Variants in SYT3 observed in about 807,000 individuals in gnomAD.
SYT3 encodes the protein synaptotagmin-3.
A neutral mutation model predicts 50.6 loss-of-function variants in SYT3; 25 were observed. The observed-to-expected ratio is 0.49, with a 90% CI of 0.36 to 0.69. The LOEUF (loss-of-function observed/expected upper bound fraction) is 0.69, where lower values mean the gene tolerates loss of function less well. Among genes scored for constraint, SYT3 ranks in the 30% least tolerant of loss-of-function variants. The pLI, the probability that SYT3 is intolerant of heterozygous loss-of-function variation, is 0.00. For synonymous variants in SYT3, 323 were observed against 353.9 expected, an observed-to-expected ratio of 0.91 and a Z score of 0.98; for missense variants, 589 against 793.6, an observed-to-expected ratio of 0.74 and a Z score of 3.10.
At chr19:50,651,849 G>T in the SYT3 span, among the ~76,000 whole-genome samples, 2 of 151,920 alleles carry the variant, frequency 1.3e-5, no homozygotes, top group Non-Finnish European at 2.9e-5. Flanking sequence ...AATCACTGTT[G>T]TAACTAGAAA....
rs1372902490 is a variant in SYT3 at position 50,639,220 on chromosome 19, C to G, written c.-153-58G>C. 1.3e-5 allele frequency: 2 copies of G among 152,244 alleles called. No homozygotes were observed. The highest frequency in any genetic ancestry group is 4.8e-5 in the African/African-American group (2 of 41,438). 9.4% of individuals were successfully genotyped at this position (152,244 alleles called of 1,614,324 possible). ...TCACATCTTGCCCTACTCGAGCCAG[C>G]TGCCCGACCCCAGGCGACCCACTGG... On this transcript the variant is annotated intron_variant, in intron 1 of 10. Transcript: ENST00000600079. This position sits in a 1 kb window ranked among gnomAD's most constrained non-coding sequence, Gnocchi z 4.6.
chr19:50,656,362 C>A, the SYT3 span: 6 of 1,527,784 alleles, frequency 3.9e-6, no homozygotes, highest in African/African-American at 6.8e-5. Context: ...TGGACCTGTG[C>A]CCTTATTTTC....
At position 50,630,078 on chromosome 19, in the gene SYT3, G is replaced by C. The variant is rs144661464; in HGVS notation, c.768C>G (p.Pro256=). ...SEERPPALPL[P]LPGGEEKAKL... is the part of the protein sequence containing the mutation. ...TGGCTTTTTCCTCGCCTCCAGGCAG[G>C]GGTAAGGGCAGGGCAGGTGGCCGCT... Residue 256 remains proline, a synonymous_variant, in exon 5 of 11, where the codon CCC becomes CCG. Transcript: ENST00000600079. The C allele has an allele frequency of 2.6e-4, 422 of 1,613,782 alleles. 2 individuals are homozygous for C. The African/African-American group carries it at 3.5e-3, about 13-fold the overall frequency.
At chr19:50,644,021 G>A (rs1438986775), upstream of SYT3, among the ~76,000 whole-genome samples, 1 of 152,166 alleles carries the variant, frequency 6.6e-6, no homozygotes, top group Admixed American at 6.5e-5. Context: ...TAAGACCTGG[G>A]GGCAGGAGGG....
chr19:50,635,133 C>A (rs1427632942), intron 3 of SYT3, among the ~76,000 whole-genome samples: 1 of 151,956 alleles, frequency 6.6e-6, no homozygotes, highest in Non-Finnish European at 1.5e-5. Context: ...TGGTCTTGAT[C>A]TCCTGACCTT....
the SYT3 span, chr19:50,649,599 GAGTCACTGGCAC>G: frequency 7.3e-7 from 1 of 1,375,318 alleles, no homozygotes; most frequent in Non-Finnish European, 1.0e-6. Flanking sequence ...GGCCTTAAGC[GAGTCACTGGCAC>G]TCCAAAGTGA....
rs769020826 is a variant in SYT3 at position 50,625,052 on chromosome 19, T to C, written c.1707+110A>G. ...AGTTGGCACAGCAGGGATTGAAACC[T>C]AGGACGCCTGGCTCTGCGACTCACG... is the stretch of plus-strand genomic sequence containing the variant. On this transcript the variant is annotated intron_variant, in intron 9 of 10. Coordinates refer to ENST00000600079, the MANE Select transcript of SYT3 (RefSeq NM_001160329.2). The surrounding 1 kb of genome is among the most constrained non-coding windows in gnomAD (Gnocchi z 7.5). The C allele has an allele frequency of 2.4e-6, 3 of 1,226,604 alleles. No individual in the cohort carries two copies. The highest frequency in any genetic ancestry group is 3.2e-6 in the Non-Finnish European group (3 of 944,326). 76.0% of individuals were successfully genotyped at this position (1,226,604 alleles called of 1,614,324 possible).
At chr19:50,633,389 C>A (rs1003609493) in intron 3 of SYT3, among the ~76,000 whole-genome samples, 1 of 152,198 alleles carries the variant, frequency 6.6e-6, no homozygotes, top group Non-Finnish European at 1.5e-5. Flanking sequence ...AGATTTGAAT[C>A]CAGCAGTCTC....
chr19:50,642,873 C>A (rs1490904303), upstream of SYT3, among the ~76,000 whole-genome samples: 1 of 152,112 alleles, frequency 6.6e-6, no homozygotes, highest in Non-Finnish European at 1.5e-5. Flanking sequence ...TTGTATCTCA[C>A]TGGGTTATTT....
chr19:50,655,518 G>A, the SYT3 span, among the ~76,000 whole-genome samples: 8 of 152,026 alleles, frequency 5.3e-5, no homozygotes, highest in Non-Finnish European at 7.4e-5. Context: ...GCGTGGTAGC[G>A]GGTGCCTGTA....
intron 3 of SYT3, among the ~76,000 whole-genome samples, chr19:50,633,758 A>G (rs1232437116): frequency 6.6e-6 from 1 of 152,236 alleles, no homozygotes; most frequent in African/African-American, 2.4e-5. Context: ...AGATCAGGTT[A>G]TTTAAGCCTG....
At chr19:50,626,474 G>A (rs1450593210) in intron 6 of SYT3, among the ~76,000 whole-genome samples, 2 of 145,368 alleles carry the variant, frequency 1.4e-5, no homozygotes, top group Non-Finnish European at 3.0e-5. Context: ...GAGACCCAGA[G>A]AGAGAGGGGG....
chr19:50,632,265 C>T lies in SYT3; in HGVS notation c.674+21G>A. On this transcript the variant is annotated intron_variant, in intron 4 of 10. Coordinates refer to ENST00000600079, the MANE Select transcript of SYT3 (RefSeq NM_001160329.2). The surrounding 1 kb of genome is among the most constrained non-coding windows in gnomAD (Gnocchi z 4.7). Reference sequence around the variant, plus strand: ...GGAGCAGAAGTTCAGAGTGGACCCCCAACCCAGTATCCTCTCTCACCTGGT... The same window carrying T: ...GGAGCAGAAGTTCAGAGTGGACCCCTAACCCAGTATCCTCTCTCACCTGGT... 1.3e-6 allele frequency: 2 copies of T among 1,537,162 alleles called. No homozygotes were observed. The highest frequency in any genetic ancestry group is 1.4e-5 in the African/African-American group (1 of 73,160).
chr19:50,632,329 C>A lies in SYT3; in HGVS notation c.631G>T (p.Ala211Ser). The A allele has an allele frequency of 1.3e-6, 2 of 1,597,942 alleles. No homozygotes were observed. Among genetic ancestry groups the A allele is most frequent in the Non-Finnish European group, 1.7e-6 (2 of 1,167,670 alleles). Residue 211 changes from alanine to serine, a missense_variant, in exon 4 of 11, where the codon GCC becomes TCC. Ala to Ser is a moderately conservative substitution (Grantham distance 99). This residue lies in a region of SYT3 where 316 missense variants were observed against 354.3 expected (regional missense o/e 0.89). Coordinates refer to ENST00000600079, the MANE Select transcript of SYT3 (RefSeq NM_001160329.2). The surrounding 1 kb of genome is among the most constrained non-coding windows in gnomAD (Gnocchi z 4.7). Reference sequence around the variant, plus strand: ...CTTGTGACCTGCTGATGTGACTGGGCACTGGGCAAGCCCCCACCACTGGGG... The same window carrying A: ...CTTGTGACCTGCTGATGTGACTGGGAACTGGGCAAGCCCCCACCACTGGGG... ...LPPSGGGLPS[A>S]QSHQQVTSLA... is the part of the protein sequence containing the mutation.
At chr19:50,654,877 CTT>C in the SYT3 span, among the ~76,000 whole-genome samples, 1 of 152,136 alleles carries the variant, frequency 6.6e-6, no homozygotes, top group East Asian at 1.9e-4. Context: ...GTATTTCTCT[CTT>C]GTGTAATGAA....
chr19:50,630,797 C>T (rs1270275599), intron 4 of SYT3, among the ~76,000 whole-genome samples: 2 of 152,262 alleles, frequency 1.3e-5, no homozygotes, highest in African/African-American at 2.4e-5. Flanking sequence ...TCTTTTGGAC[C>T]TCAAGCTGGT....
intron 5 of SYT3, 34 bp from the exon 6 acceptor site, chr19:50,629,546 T>C (rs1157774566): frequency 6.3e-7 from 1 of 1,581,798 alleles, no homozygotes; most frequent in South Asian, 1.1e-5. Flanking sequence ...ACAGACACCG[T>C]GCCCATAAGC....
chr19:50,647,610 G>T, the SYT3 span, among the ~76,000 whole-genome samples: 1 of 152,058 alleles, frequency 6.6e-6, no homozygotes, highest in Non-Finnish European at 1.5e-5. Flanking sequence ...AGCCTGGGAG[G>T]TCAAGGCTGT....
In SYT3 at chr19:50,625,663, T is replaced by TCCGGGGCC; in HGVS notation, c.1403-107_1403-100dup. 6.9e-7 allele frequency: 1 copy of TCCGGGGCC among 1,447,864 alleles called. No individual in the cohort carries two copies. Among genetic ancestry groups the TCCGGGGCC allele is most frequent in the Non-Finnish European group, 9.1e-7 (1 of 1,094,364 alleles). The allele number at this position is 1,447,864 out of a possible 1,614,324, so 89.7% of individuals were successfully genotyped here. ...GCCCCTCCTCCCTCAGACCCAGAGGTCCGGGGCCCCAGGCCCCCAGTCCCT... is the reference window on the plus strand; with the variant it reads ...GCCCCTCCTCCCTCAGACCCAGAGGTCCGGGGCCCCGGGGCCCCAGGCCCCCAGTCCCT... On this transcript the variant is annotated intron_variant, in intron 7 of 10. Transcript: ENST00000600079. This position sits in a 1 kb window ranked among gnomAD's most constrained non-coding sequence, Gnocchi z 7.5.
Sources: gnomAD v4.1 joint callset for allele counts (sites outside exome capture counted in the v4.1 genomes callset) on GRCh38, gnomAD v4.1.1 for gene constraint, gnomAD v4.1.1 regional missense constraint, Gnocchi (gnomAD v3.1) non-coding constraint, MANE v1.5 for transcripts, NCBI Gene and HGNC (gene_info 2026-07-23, HGNC 2026-07-21) for gene names.